The following MAGI2 variants were observed in gnomAD, a reference collection of about 807,000 sequenced individuals.
The protein encoded by MAGI2 is membrane-associated guanylate kinase, WW and PDZ domain-containing protein 2.
MAGI2 carries 35 observed loss-of-function variants against 133.3 expected under a neutral mutation model. The ratio of observed to expected loss-of-function variants is 0.26; its 90% CI spans 0.20 to 0.35. MAGI2 has a LOEUF of 0.35. Among genes scored for constraint, MAGI2 ranks in the 10% least tolerant of loss-of-function variants. The probability of loss-of-function intolerance (pLI) is 1.00; values close to 1 mark genes in which losing one functional copy is unlikely to be tolerated. For missense variants in MAGI2, 1,636 were observed against 1,863.4 expected, an observed-to-expected ratio of 0.88 and a Z score of 2.25; for synonymous variants, 729 against 710.6, an observed-to-expected ratio of 1.03 and a Z score of -0.41.
chr7:78,798,074 G>A (rs368949731), intron 2 of MAGI2, among the ~76,000 whole-genome samples: 1 of 152,182 alleles, frequency 6.6e-6, no homozygotes, highest in East Asian at 1.9e-4. Flanking sequence ...ACAAAAATAT[G>A]TAACAGGTTG....
In MAGI2 at chr7:78,883,332, G is replaced by C. The variant is rs538439111; in HGVS notation, c.418+123758C>G. Among the ~76,000 whole-genome samples, 21 of 152,186 alleles carry C rather than the reference G, an allele frequency of 1.4e-4. No individual in the cohort carries two copies. In the South Asian group the frequency reaches 2.5e-3, roughly 18 times the overall value. On this transcript the variant is annotated intron_variant, in intron 2 of 21. Transcript: ENST00000354212. The stretch of plus-strand genomic sequence containing the variant: ...AATACATGTAACCAAGGAGGTGAAA[G>C]ATTTTTGCAAAGAGAACTACAAAAC...
chr7:79,234,878 TAG>T (rs1040329742), intron 1 of MAGI2, among the ~76,000 whole-genome samples: 1 of 151,890 alleles, frequency 6.6e-6, no homozygotes, highest in African/African-American at 2.4e-5. Context: ...CTCTGCGTTT[TAG>T]AGTTTCCAGT....
intron 2 of MAGI2, among the ~76,000 whole-genome samples, chr7:78,730,966 A>T (rs533860534): frequency 4.5e-4 from 69 of 152,174 alleles, no homozygotes; most frequent in Admixed American, 1.9e-3. Flanking sequence ...TCCCTCAGAA[A>T]ATAGCTTTCT....
intron 10 of MAGI2, among the ~76,000 whole-genome samples, chr7:78,202,827 A>G (rs1829384465): frequency 6.6e-6 from 1 of 152,096 alleles, no homozygotes; most frequent in South Asian, 2.1e-4. Context: ...TTTCTGTCTT[A>G]CATATGCTGT....
intron 9 of MAGI2, among the ~76,000 whole-genome samples, chr7:78,314,363 A>G (rs147987281): frequency 1.7e-3 from 259 of 152,304 alleles, no homozygotes; most frequent in African/African-American, 5.9e-3. Context: ...AGAGGATAAA[A>G]CAAATTATAT....
intron 2 of MAGI2, among the ~76,000 whole-genome samples, chr7:78,838,735 A>C (rs117624966): frequency 3.9e-5 from 6 of 152,198 alleles, no homozygotes; most frequent in Admixed American, 1.3e-4. Context: ...TACAATTAAA[A>C]TAATAACAGA....
chr7:78,819,315 TTGTA>T (rs1344351222), intron 2 of MAGI2, among the ~76,000 whole-genome samples: 2 of 152,284 alleles, frequency 1.3e-5, no homozygotes, highest in East Asian at 3.9e-4. Flanking sequence ...ATTGTGACTC[TTGTA>T]TGTAAATTTG....
At chr7:79,069,260 T>C (rs976403851) in intron 1 of MAGI2, among the ~76,000 whole-genome samples, 2 of 152,190 alleles carry the variant, frequency 1.3e-5, no homozygotes, top group African/African-American at 4.8e-5. Context: ...CTCTAAGAAC[T>C]TGCTTTATGA....
intron 1 of MAGI2, among the ~76,000 whole-genome samples, chr7:79,161,052 A>AT (rs1237702002): frequency 1.3e-5 from 2 of 152,056 alleles, no homozygotes; most frequent in African/African-American, 2.4e-5. Context: ...GGATCAGAAC[A>AT]TAAAAACATA....
intron 2 of MAGI2, among the ~76,000 whole-genome samples, chr7:78,644,629 T>G (rs1437949645): frequency 1.3e-5 from 2 of 152,068 alleles, no homozygotes; most frequent in South Asian, 2.1e-4. Flanking sequence ...ATATCAAAAT[T>G]AGTGGGATGT....
In MAGI2 at chr7:78,668,803, A is replaced by G. The variant is rs183406175; in HGVS notation, c.419-41564T>C. Among the ~76,000 whole-genome samples the G allele has an allele frequency of 2.7e-4, 41 of 150,172 alleles. 1 individual carries two copies. The highest frequency in any genetic ancestry group is 1.0e-3 in the African/African-American group (41 of 40,442). The stretch of plus-strand genomic sequence containing the variant: ...CGCTCAACTACATGGAAACTGAACA[A>G]CCTGCTCCTGAATGACTACTGGGTA... On this transcript the variant is annotated intron_variant, in intron 2 of 21. Coordinates refer to ENST00000354212, the MANE Select transcript of MAGI2 (RefSeq NM_012301.4).
At chr7:78,332,393 A>G (rs79185889) in intron 9 of MAGI2, among the ~76,000 whole-genome samples, 2,155 of 152,300 alleles carry the variant, frequency 0.014, 58 homozygotes, top group African/African-American at 0.049. Context: ...TGTATCACCT[A>G]TGTGTCATTA....
chr7:79,089,073 C>G (rs1220020110), intron 1 of MAGI2, among the ~76,000 whole-genome samples: 1 of 151,908 alleles, frequency 6.6e-6, no homozygotes, highest in Non-Finnish European at 1.5e-5. Context: ...CTAATGTATC[C>G]AGAATCTACA....
At chr7:79,123,462 C>T (rs1208398079) in intron 1 of MAGI2, among the ~76,000 whole-genome samples, 1 of 152,080 alleles carries the variant, frequency 6.6e-6, no homozygotes, top group Non-Finnish European at 1.5e-5. Context: ...GATGATAATA[C>T]CTACCCTATT....
chr7:78,435,459 G>A (rs1230239250), intron 6 of MAGI2, among the ~76,000 whole-genome samples: 2 of 152,060 alleles, frequency 1.3e-5, no homozygotes, highest in Non-Finnish European at 2.9e-5. Flanking sequence ...CTCTCTGCCA[G>A]TTTCCCCAAG....
chr7:79,417,285 C>G (rs2364920), intron 1 of MAGI2, among the ~76,000 whole-genome samples: 37,758 of 151,848 alleles, frequency 0.25, 6,742 homozygotes, highest in African/African-American at 0.51. Flanking sequence ...TGATTCAAAA[C>G]CTATTCTCTA....
At chr7:78,634,386 C>T (rs1329038846) in intron 2 of MAGI2, among the ~76,000 whole-genome samples, 2 of 152,180 alleles carry the variant, frequency 1.3e-5, no homozygotes, top group African/African-American at 4.8e-5. Flanking sequence ...GGCATAGCAC[C>T]TACAAGAGTC....
intron 9 of MAGI2, among the ~76,000 whole-genome samples, chr7:78,287,213 G>C (rs1481577531): frequency 6.6e-6 from 1 of 152,120 alleles, no homozygotes; most frequent in Non-Finnish European, 1.5e-5. Flanking sequence ...TAATCCAATG[G>C]CAGGGCTTAA....
At chr7:79,374,020 C>T (rs567913180) in intron 1 of MAGI2, among the ~76,000 whole-genome samples, 8 of 152,066 alleles carry the variant, frequency 5.3e-5, no homozygotes, top group African/African-American at 1.7e-4. Context: ...AACTGGAAAG[C>T]TCTTCAAGAC....
Sources: allele counts gnomAD v4.1 joint callset (sites outside exome capture counted in the v4.1 genomes callset), GRCh38; gene constraint gnomAD v4.1.1; transcripts MANE v1.5; gene names NCBI Gene and HGNC (gene_info 2026-07-23, HGNC 2026-07-21).